The following SUCLG2 variants were observed in gnomAD, a reference collection of about 807,000 sequenced individuals.
SUCLG2 encodes the protein succinate-CoA ligase GDP-forming subunit beta.
A neutral mutation model predicts 47.9 loss-of-function variants in SUCLG2; 42 were observed. The observed-to-expected ratio is 0.88, with a 90% CI of 0.69 to 1.14. SUCLG2 has a LOEUF of 1.14. SUCLG2 is among the 50% of genes most tolerant of loss of function. SUCLG2 has a pLI of 0.00. For synonymous variants in SUCLG2, 195 were observed against 197.3 expected, an observed-to-expected ratio of 0.99 and a Z score of 0.10; for missense variants, 571 against 525.9, an observed-to-expected ratio of 1.09 and a Z score of -0.84.
At chr3:67,424,687 A>G (rs1703254088) in intron 9 of SUCLG2, among the ~76,000 whole-genome samples, 1 of 152,174 alleles carries the variant, frequency 6.6e-6, no homozygotes, top group South Asian at 2.1e-4. Flanking sequence ...ATAAGAGCTC[A>G]GTAATTGCTG....
chr3:67,363,596 C>A (rs1701837874), intron 10 of SUCLG2, among the ~76,000 whole-genome samples: 1 of 152,074 alleles, frequency 6.6e-6, no homozygotes, highest in South Asian at 2.1e-4. Flanking sequence ...ATTGAAAAAT[C>A]AATGAAAGAA....
At chr3:67,431,076 G>A (rs549757195) in intron 9 of SUCLG2, among the ~76,000 whole-genome samples, 5 of 152,228 alleles carry the variant, frequency 3.3e-5, no homozygotes, top group Non-Finnish European at 5.9e-5. Context: ...AATAGAAAAG[G>A]AGGGAATCCT....
chr3:67,553,824 A>G (rs1343042200), intron 2 of SUCLG2, among the ~76,000 whole-genome samples: 1 of 152,228 alleles, frequency 6.6e-6, no homozygotes, highest in East Asian at 1.9e-4. Context: ...AAACATAGAA[A>G]GTAGAATCAA....
intron 1 of SUCLG2, among the ~76,000 whole-genome samples, chr3:67,611,827 T>C (rs1233990246): frequency 6.6e-6 from 1 of 152,196 alleles, no homozygotes; most frequent in African/African-American, 2.4e-5. Context: ...CACAGACATG[T>C]AACATATATT....
chr3:67,487,236 G>A (rs1705077439), intron 9 of SUCLG2, among the ~76,000 whole-genome samples: 1 of 151,926 alleles, frequency 6.6e-6, no homozygotes, highest in African/African-American at 2.4e-5. Flanking sequence ...ATTGTACCAT[G>A]GTATGTTGAT....
intron 1 of SUCLG2, among the ~76,000 whole-genome samples, chr3:67,653,566 G>C (rs1200064872): frequency 6.6e-6 from 1 of 152,148 alleles, no homozygotes; most frequent in Admixed American, 6.5e-5. Context: ...GGTTAAAATT[G>C]TATGAGTGAT....
chr3:67,591,681 A>T (rs958495236), intron 2 of SUCLG2, among the ~76,000 whole-genome samples: 1 of 152,288 alleles, frequency 6.6e-6, no homozygotes, highest in South Asian at 2.1e-4. Context: ...TGTAAGTCCA[A>T]TTAAATCTTT....
chr3:67,472,783 T>G (rs1293256469), intron 9 of SUCLG2, among the ~76,000 whole-genome samples: 1 of 152,156 alleles, frequency 6.6e-6, no homozygotes, highest in African/African-American at 2.4e-5. Context: ...AAACATTCAA[T>G]GTAGTCCCAT....
chr3:67,499,834 C>T (rs575647264), intron 7 of SUCLG2, among the ~76,000 whole-genome samples: 3 of 152,138 alleles, frequency 2.0e-5, no homozygotes, highest in South Asian at 4.2e-4. Flanking sequence ...CAGGTTCAAG[C>T]GATTCTCCTG....
chr3:67,542,085 G>C (rs1011078267), intron 2 of SUCLG2, among the ~76,000 whole-genome samples: 1 of 151,894 alleles, frequency 6.6e-6, no homozygotes, highest in Non-Finnish European at 1.5e-5. Flanking sequence ...TGTAGGTCAG[G>C]TTGGTCTCAA....
chr3:67,465,996 C>T (rs985314392), intron 9 of SUCLG2, among the ~76,000 whole-genome samples: 23 of 152,142 alleles, frequency 1.5e-4, no homozygotes, highest in Non-Finnish European at 3.4e-4. Context: ...ATTCATTTCT[C>T]ACCAAGCAGT....
intron 1 of SUCLG2, among the ~76,000 whole-genome samples, chr3:67,610,636 A>T (rs1021373549): frequency 6.6e-6 from 1 of 152,190 alleles, no homozygotes; most frequent in South Asian, 2.1e-4. Context: ...CAAACCAAAA[A>T]AATCAATCAC....
chr3:67,526,851 T>A (rs1706269956), intron 4 of SUCLG2, among the ~76,000 whole-genome samples: 1 of 152,190 alleles, frequency 6.6e-6, no homozygotes, highest in Non-Finnish European at 1.5e-5. Flanking sequence ...AAAATGAAGA[T>A]TTATATTTAT....
chr3:67,498,022 A>G (rs1057135849), intron 8 of SUCLG2, 112 bp downstream of exon 8: 3 of 1,167,624 alleles, frequency 2.6e-6, no homozygotes, highest in Non-Finnish European at 2.4e-6. Context: ...CTTTTCAGCT[A>G]CAAAAAAACT....
At chr3:67,400,680 C>T in intron 10 of SUCLG2, 51 bp downstream of exon 10, 1 of 1,599,930 alleles carries the variant, frequency 6.3e-7, no homozygotes, top group Non-Finnish European at 8.5e-7. Context: ...ATGCTGGTCA[C>T]CTGACCTTGG....
chr3:67,607,041 T>G (rs1326622676), intron 2 of SUCLG2, among the ~76,000 whole-genome samples: 1 of 152,230 alleles, frequency 6.6e-6, no homozygotes, highest in Non-Finnish European at 1.5e-5. Context: ...TATTGAAATA[T>G]GGAGAGTGCT....
At chr3:67,512,730 C>A (rs1038971204) in intron 6 of SUCLG2, among the ~76,000 whole-genome samples, 4 of 150,884 alleles carry the variant, frequency 2.7e-5, no homozygotes, top group African/African-American at 9.9e-5. Context: ...GCAACCAATT[C>A]CTAGAACTTC....
At chr3:67,388,722 C>G (rs1463908784) in intron 10 of SUCLG2, among the ~76,000 whole-genome samples, 1 of 152,162 alleles carries the variant, frequency 6.6e-6, no homozygotes, top group Non-Finnish European at 1.5e-5. Flanking sequence ...AAAGTCAGTG[C>G]CTAGTGTAGC....
At chr3:67,542,320 C>T (rs1706740862) in intron 2 of SUCLG2, among the ~76,000 whole-genome samples, 1 of 152,072 alleles carries the variant, frequency 6.6e-6, no homozygotes, top group Admixed American at 6.6e-5. Context: ...TACAAGAGCT[C>T]CTGAAGGAAG....
Sources: allele counts gnomAD v4.1 joint callset (sites outside exome capture counted in the v4.1 genomes callset), GRCh38; gene constraint gnomAD v4.1.1; transcripts MANE v1.5; gene names NCBI Gene and HGNC (gene_info 2026-07-23, HGNC 2026-07-21).